The following NCKAP5 variants were observed in gnomAD, a reference collection of about 807,000 sequenced individuals.
NCKAP5 encodes the protein nck-associated protein 5.
A neutral mutation model predicts 167.0 loss-of-function variants in NCKAP5; 92 were observed. The ratio of observed to expected loss-of-function variants is 0.55; its 90% CI spans 0.47 to 0.66. The LOEUF (loss-of-function observed/expected upper bound fraction) is 0.66. NCKAP5 is among the 30% of genes least tolerant of loss of function. The pLI, the probability that NCKAP5 is intolerant of heterozygous loss-of-function variation, is 0.00. For synonymous variants in NCKAP5, 891 were observed against 877.4 expected (o/e 1.02, Z -0.27); for missense variants, 2,378 against 2,315.0 (o/e 1.03, Z -0.56).
intron 3 of NCKAP5, among the ~76,000 whole-genome samples, chr2:133,406,609 G>A (rs1559459336): frequency 7.0e-6 from 1 of 143,656 alleles, no homozygotes; most frequent in East Asian, 2.4e-4. Context: ...AGGGAGGGAG[G>A]GAGGGAGGGA....
the NCKAP5 span, among the ~76,000 whole-genome samples, chr2:133,595,114 A>T: frequency 4.6e-5 from 7 of 152,322 alleles, no homozygotes; most frequent in South Asian, 1.4e-3. Context: ...GGGGAAGAGC[A>T]GGAGTTGAAC....
intron 4 of NCKAP5, among the ~76,000 whole-genome samples, chr2:133,248,455 G>T (rs930317523): frequency 4.6e-5 from 7 of 152,208 alleles, no homozygotes; most frequent in Non-Finnish European, 1.0e-4. Context: ...CCCTTCCTCT[G>T]CAGTGTGCAC....
At chr2:133,254,199 G>A (rs2088500679) in intron 4 of NCKAP5, among the ~76,000 whole-genome samples, 1 of 152,126 alleles carries the variant, frequency 6.6e-6, no homozygotes, top group South Asian at 2.1e-4. Context: ...TGAGAGAAGT[G>A]ACACAATGCC....
At chr2:132,970,494 C>T (rs757544669) in intron 7 of NCKAP5, among the ~76,000 whole-genome samples, 3 of 152,104 alleles carry the variant, frequency 2.0e-5, no homozygotes, top group Non-Finnish European at 4.4e-5. Flanking sequence ...GTGAAGCTAC[C>T]ATACAAACAA....
In NCKAP5 at chr2:133,166,662, C is replaced by A. The variant is rs537726483; in HGVS notation, c.208-36551G>T. On this transcript the variant is annotated intron_variant, in intron 5 of 19. Coordinates refer to ENST00000409261, the MANE Select transcript of NCKAP5 (RefSeq NM_207363.3). ...CTTAATCACTTTTATCTTTAAAATCCTTAAGCTTAGAGAATAGTTCACATT... is the reference window on the plus strand; with the variant it reads ...CTTAATCACTTTTATCTTTAAAATCATTAAGCTTAGAGAATAGTTCACATT... 2.4e-4 allele frequency among the ~76,000 whole-genome samples: 36 copies of A among 152,248 alleles called. No homozygotes were observed. The South Asian group carries it at 4.1e-3, about 18-fold the overall frequency.
Position 132,782,397 on chromosome 2 carries a change from T to C in NCKAP5, c.4414A>G (p.Ile1472Val), listed in dbSNP as rs186478619. The C allele has an allele frequency of 5.6e-6, 9 of 1,613,996 alleles. No individual in the cohort carries two copies. In the African/African-American group the frequency reaches 8.0e-5, roughly 14 times the overall value. ...VSSEAPLSPT[I>V]EEKVMLCIQE... is the part of the protein sequence containing the mutation. ...ATGCACAACATGACCTTTTCTTCGA[T>C]TGTGGGTGAGAGGGGGGCTTCTGAA... Residue 1472 changes from isoleucine (I) to valine (V), a missense_variant, in exon 14 of 20, where the codon ATC (isoleucine) becomes GTC (valine). Transcript: ENST00000409261.
In NCKAP5 at chr2:132,796,639, C is replaced by T. The variant is rs1684627776; in HGVS notation, c.898G>A (p.Ala300Thr). ...ACTGGGAAACTCACGTGCACCTCAG[C>T]ATCAGTTCGTGACTGTGTCAGACTT... is the stretch of plus-strand genomic sequence containing the variant. ...NRSLTQSRTD[A>T]EVHEHQLNTK... is the part of the protein sequence containing the mutation. The change falls in exon 12 of 20, where the codon GCT (alanine) becomes ACT (threonine). Residue 300 changes from alanine to threonine, a missense_variant. Coordinates refer to ENST00000409261, the MANE Select transcript of NCKAP5 (RefSeq NM_207363.3). The T allele has an allele frequency of 1.9e-6, 3 of 1,611,460 alleles. No homozygotes were observed. The South Asian group carries it at 3.3e-5, about 18-fold the overall frequency.
At chr2:133,164,610 T>C (rs1242056308) in intron 5 of NCKAP5, among the ~76,000 whole-genome samples, 1 of 152,196 alleles carries the variant, frequency 6.6e-6, no homozygotes, top group Non-Finnish European at 1.5e-5. Flanking sequence ...CTGCATCTTG[T>C]CTTTCACCAT....
intron 19 of NCKAP5, among the ~76,000 whole-genome samples, chr2:132,681,113 C>T (rs1395489850): frequency 1.3e-5 from 2 of 151,864 alleles, no homozygotes; most frequent in South Asian, 4.2e-4. Flanking sequence ...ACATGTTTCT[C>T]GGTGTTGTTA....
At chr2:133,183,891 A>C (rs2150046691) in intron 5 of NCKAP5, among the ~76,000 whole-genome samples, 1 of 152,328 alleles carries the variant, frequency 6.6e-6, no homozygotes, top group East Asian at 1.9e-4. Context: ...CAAGATTAGC[A>C]CCCAAAAATC....
chr2:132,814,598 C>T (rs1191671500), intron 11 of NCKAP5, among the ~76,000 whole-genome samples: 1 of 152,072 alleles, frequency 6.6e-6, no homozygotes, highest in African/African-American at 2.4e-5. Context: ...TTCAATTTTG[C>T]AGGTTTCTGT....
chr2:133,505,643 T>C (rs1310301547), intron 3 of NCKAP5, among the ~76,000 whole-genome samples: 2 of 152,152 alleles, frequency 1.3e-5, no homozygotes, highest in Admixed American at 6.5e-5. Context: ...GCAGGTGACA[T>C]GGCCAAACTC....
At chr2:132,772,259 C>G (rs1308312583) in intron 16 of NCKAP5, among the ~76,000 whole-genome samples, 1 of 152,134 alleles carries the variant, frequency 6.6e-6, no homozygotes, top group Non-Finnish European at 1.5e-5. Flanking sequence ...TGTCACCAAG[C>G]AACCCATGAC....
chr2:133,333,288 T>C (rs1381922300), intron 3 of NCKAP5, among the ~76,000 whole-genome samples: 3 of 152,188 alleles, frequency 2.0e-5, no homozygotes, highest in Admixed American at 6.5e-5. Flanking sequence ...CCCTCTTTTT[T>C]AGATAAATCC....
intron 11 of NCKAP5, among the ~76,000 whole-genome samples, chr2:132,820,665 C>A (rs2105317605): frequency 6.6e-6 from 1 of 152,232 alleles, no homozygotes; most frequent in African/African-American, 2.4e-5. Context: ...AACCTGAAAA[C>A]ATTCACAGAC....
intron 7 of NCKAP5, among the ~76,000 whole-genome samples, chr2:132,992,003 C>T (rs2077463280): frequency 6.6e-6 from 1 of 152,216 alleles, no homozygotes; most frequent in African/African-American, 2.4e-5. Flanking sequence ...ACCTGCCCTT[C>T]TCTCTTTTCT....
intron 4 of NCKAP5, among the ~76,000 whole-genome samples, chr2:133,229,771 A>T (rs940742027): frequency 1.3e-5 from 2 of 152,112 alleles, no homozygotes; most frequent in Non-Finnish European, 2.9e-5. Flanking sequence ...TATGATTTTT[A>T]TATTACATAT....
chr2:132,976,728 G>A (rs2076988976), intron 7 of NCKAP5, among the ~76,000 whole-genome samples: 1 of 151,808 alleles, frequency 6.6e-6, no homozygotes, highest in South Asian at 2.1e-4. Flanking sequence ...CACAATGTGT[G>A]TATAATTAAA....
chr2:133,133,192 C>T (rs1169063979), intron 5 of NCKAP5, among the ~76,000 whole-genome samples: 1 of 152,162 alleles, frequency 6.6e-6, no homozygotes, highest in Non-Finnish European at 1.5e-5. Flanking sequence ...CACAACGCCA[C>T]TAGGTACTGA....
Sources: allele counts gnomAD v4.1 joint callset (sites outside exome capture counted in the v4.1 genomes callset), GRCh38; gene constraint gnomAD v4.1.1; transcripts MANE v1.5; gene names NCBI Gene and HGNC (gene_info 2026-07-23, HGNC 2026-07-21).